The following MAGI3 variants were observed in gnomAD, a reference collection of about 807,000 sequenced individuals.
MAGI3 encodes the protein membrane associated guanylate kinase, WW and PDZ domain containing 3.
In MAGI3, 43 loss-of-function variants were observed where a neutral mutation model predicts 121.8. The observed-to-expected ratio is 0.35, with a 90% confidence interval of 0.28 to 0.46. The LOEUF is 0.46. MAGI3 is among the 20% of genes least tolerant of loss of function. The pLI is 1.00. For missense variants in MAGI3, 1,547 were observed against 1,797.3 expected, an observed-to-expected ratio of 0.86 and a Z score of 2.52; for synonymous variants, 553 against 639.3, an observed-to-expected ratio of 0.86 and a Z score of 2.04.
chr1:113,611,169 C>T (rs1484407531), intron 6 of MAGI3, among the ~76,000 whole-genome samples: 2 of 151,530 alleles, frequency 1.3e-5, no homozygotes, highest in Non-Finnish European at 2.9e-5. Flanking sequence ...TCACTGCAAC[C>T]TCCACTTCCT....
chr1:113,428,012 G>C (rs995223036), intron 1 of MAGI3, among the ~76,000 whole-genome samples: 4 of 151,540 alleles, frequency 2.6e-5, no homozygotes, highest in Non-Finnish European at 4.4e-5. Context: ...AATGTGTTCT[G>C]TGTGTGTGTG....
At chr1:113,635,969 C>T (rs1284137752) in intron 9 of MAGI3, among the ~76,000 whole-genome samples, 2 of 151,938 alleles carry the variant, frequency 1.3e-5, no homozygotes, top group East Asian at 1.9e-4. Context: ...GTGTATGTGT[C>T]GAGGAATGTA....
intron 2 of MAGI3, among the ~76,000 whole-genome samples, chr1:113,558,254 A>G (rs1660080551): frequency 6.6e-6 from 1 of 152,246 alleles, no homozygotes; most frequent in Non-Finnish European, 1.5e-5. Flanking sequence ...GATGGTTAAT[A>G]ATGAACTTCA....
chr1:113,666,555 T>C (rs1027441317), intron 16 of MAGI3, among the ~76,000 whole-genome samples: 6 of 152,232 alleles, frequency 3.9e-5, no homozygotes, highest in Non-Finnish European at 8.8e-5. Context: ...CCTTGCTGTT[T>C]CTACCACATC....
intron 16 of MAGI3, among the ~76,000 whole-genome samples, chr1:113,669,103 T>G (rs1209333873): frequency 6.6e-6 from 1 of 152,236 alleles, no homozygotes; most frequent in Non-Finnish European, 1.5e-5. Context: ...CCCAGTCATC[T>G]CATTGGCAAA....
chr1:113,541,884 C>T (rs1216445743), intron 1 of MAGI3, among the ~76,000 whole-genome samples: 1 of 152,212 alleles, frequency 6.6e-6, no homozygotes, highest in Non-Finnish European at 1.5e-5. Context: ...GCCAGCAACA[C>T]TGGATTTCTC....
chr1:113,556,198 A>G (rs1659987006), intron 2 of MAGI3, among the ~76,000 whole-genome samples: 1 of 152,142 alleles, frequency 6.6e-6, no homozygotes, highest in African/African-American at 2.4e-5. Context: ...TATTTTAAGT[A>G]GAAGGAAGAA....
At chr1:113,509,195 AC>A (rs1570774583) in intron 1 of MAGI3, among the ~76,000 whole-genome samples, 2 of 152,072 alleles carry the variant, frequency 1.3e-5, no homozygotes, top group East Asian at 3.9e-4. Context: ...AAAATCGTTT[AC>A]TCATTTTAAA....
At chr1:113,484,163 G>C (rs1656240907) in intron 1 of MAGI3, among the ~76,000 whole-genome samples, 1 of 152,110 alleles carries the variant, frequency 6.6e-6, no homozygotes, top group Admixed American at 6.5e-5. Context: ...TACCATATGG[G>C]AAACTGTGGC....
At chr1:113,662,504 GA>G (rs775616577) in intron 16 of MAGI3, among the ~76,000 whole-genome samples, 2 of 152,090 alleles carry the variant, frequency 1.3e-5, no homozygotes, top group Non-Finnish European at 2.9e-5. Flanking sequence ...TTAATTTTAA[GA>G]GTGAACATGA....
chr1:113,556,687 T>G (rs1660007795), intron 2 of MAGI3, among the ~76,000 whole-genome samples: 1 of 151,272 alleles, frequency 6.6e-6, no homozygotes, highest in Non-Finnish European at 1.5e-5. Context: ...CTCAACTTCC[T>G]CAGTTACTGG....
At chr1:113,504,538 G>C (rs1270508463) in intron 1 of MAGI3, among the ~76,000 whole-genome samples, 2 of 152,030 alleles carry the variant, frequency 1.3e-5, no homozygotes, top group Non-Finnish European at 2.9e-5. Context: ...GGTTGTCAAA[G>C]ATTAAAATAG....
At chr1:113,589,486 G>C (rs949971175) in intron 4 of MAGI3, among the ~76,000 whole-genome samples, 5 of 152,056 alleles carry the variant, frequency 3.3e-5, no homozygotes, top group Non-Finnish European at 7.4e-5. Flanking sequence ...TAGGGCAAAG[G>C]AATCAGGAAT....
intron 1 of MAGI3, among the ~76,000 whole-genome samples, chr1:113,467,306 A>G (rs1655335617): frequency 6.6e-6 from 1 of 152,118 alleles, no homozygotes; most frequent in Non-Finnish European, 1.5e-5. Context: ...GTCAGAAAAG[A>G]TACTTGATAT....
intron 1 of MAGI3, among the ~76,000 whole-genome samples, chr1:113,474,248 G>T (rs1031786814): frequency 2.0e-4 from 31 of 152,112 alleles, no homozygotes; most frequent in Admixed American, 3.9e-4. Context: ...CTTTTGCCAC[G>T]CAGAAGCTCT....
chr1:113,681,069 G>T, intron 19 of MAGI3, 129 bp from the exon 20 acceptor site: 1 of 988,376 alleles, frequency 1.0e-6, no homozygotes. Context: ...TGGCAGTACT[G>T]GGTACACGTT....
intron 1 of MAGI3, among the ~76,000 whole-genome samples, chr1:113,510,399 C>T (rs546797836): frequency 2.0e-5 from 3 of 150,034 alleles, no homozygotes; most frequent in Non-Finnish European, 4.4e-5. Context: ...TTATCTACTC[C>T]CATGACATTT....
intron 2 of MAGI3, among the ~76,000 whole-genome samples, chr1:113,561,222 T>G (rs1660221840): frequency 6.6e-6 from 1 of 152,288 alleles, no homozygotes. Flanking sequence ...TCTGAAGCTA[T>G]TCCAAACAAT....
Position 113,606,395 on chromosome 1 carries a change from CT to C in MAGI3, c.1019-8199del, listed in dbSNP as rs1254382689. Among the ~76,000 whole-genome samples the C allele has an allele frequency of 2.0e-5, 3 of 152,240 alleles. No individual in the cohort carries two copies. The East Asian group carries it at 5.8e-4, about 29-fold the overall frequency. On this transcript the variant is annotated intron_variant, in intron 6 of 20. Coordinates refer to ENST00000307546, the MANE Select transcript of MAGI3 (RefSeq NM_001142782.2). ...GAATATATAATACTATAGAATTTGACTTTTTTTATTGTGAACATGGTATTTG... is the reference window on the plus strand; with the variant it reads ...GAATATATAATACTATAGAATTTGACTTTTTTATTGTGAACATGGTATTTG...
Sources: allele counts gnomAD v4.1 joint callset (sites outside exome capture counted in the v4.1 genomes callset), GRCh38; gene constraint gnomAD v4.1.1; transcripts MANE v1.5; gene names NCBI Gene and HGNC (gene_info 2026-07-23, HGNC 2026-07-21).